STAM: variants seen among roughly 807,000 people sequenced by gnomAD.
The protein encoded by STAM is signal transducing adapter molecule 1.
A neutral mutation model predicts 63.4 loss-of-function variants in STAM; 16 were observed. That is an observed-to-expected ratio of 0.25 (90% confidence interval 0.17 to 0.38). STAM has a LOEUF of 0.38. STAM is among the 10% of genes least tolerant of loss of function. The probability of loss-of-function intolerance (pLI) is 1.00; values close to 1 mark genes in which losing one functional copy is unlikely to be tolerated. For synonymous variants in STAM, 238 were observed against 223.9 expected, an observed-to-expected ratio of 1.06 and a Z score of -0.56; for missense variants, 636 against 657.1, an observed-to-expected ratio of 0.97 and a Z score of 0.35.
At chr10:17,696,365 GA>G (rs1194521806) in intron 7 of STAM, among the ~76,000 whole-genome samples, 1 of 146,892 alleles carries the variant, frequency 6.8e-6, no homozygotes. Context: ...TCTGTTGGGA[GA>G]AAAAAAAAAC....
chr10:17,675,305 A>C (rs1024469630), intron 2 of STAM, among the ~76,000 whole-genome samples: 2 of 152,106 alleles, frequency 1.3e-5, no homozygotes, highest in Non-Finnish European at 2.9e-5. Flanking sequence ...GGAGTTTGAG[A>C]CCAGCCTGGC....
At chr10:17,706,536 G>A (rs1455468286) in intron 12 of STAM, among the ~76,000 whole-genome samples, 5 of 151,748 alleles carry the variant, frequency 3.3e-5, no homozygotes, top group African/African-American at 9.7e-5. Flanking sequence ...CCGTCACCAC[G>A]CCAGGCTAAT....
intron 7 of STAM, 69 bp downstream of exon 7, chr10:17,695,310 G>A: frequency 7.3e-7 from 1 of 1,370,788 alleles, no homozygotes; most frequent in Non-Finnish European, 1.0e-6. Flanking sequence ...TATTATTCCT[G>A]TTGATTGCAG....
chr10:17,648,273 C>T (rs188987872), intron 1 of STAM, among the ~76,000 whole-genome samples: 58 of 152,262 alleles, frequency 3.8e-4, no homozygotes, highest in African/African-American at 1.3e-3. Context: ...CCAATCAGTG[C>T]TCTGTAGCTA....
intron 2 of STAM, 152 bp from the exon 3 acceptor site, chr10:17,684,523 T>A: frequency 1.9e-6 from 1 of 524,044 alleles, no homozygotes; most frequent in Non-Finnish European, 3.2e-6. Context: ...GGAACTAGTT[T>A]ACAGTTTTTC....
At chr10:17,666,443 G>A (rs9787477) in intron 2 of STAM, among the ~76,000 whole-genome samples, 19,331 of 134,624 alleles carry the variant, frequency 0.14, 1,486 homozygotes, top group East Asian at 0.27. Flanking sequence ...TGCTCAGGCT[G>A]GAGTGCAGTG....
At chr10:17,674,791 A>G (rs545477655) in intron 2 of STAM, among the ~76,000 whole-genome samples, 248 of 152,334 alleles carry the variant, frequency 1.6e-3, no homozygotes, top group African/African-American at 5.6e-3. Context: ...TTTGGAATAC[A>G]TAATTTGCCT....
At chr10:17,688,289 G>A (rs1012753240) in intron 5 of STAM, 116 bp downstream of exon 5, 9 of 1,056,994 alleles carry the variant, frequency 8.5e-6, no homozygotes, top group Middle Eastern at 5.2e-4. Context: ...AGGAATTTTC[G>A]TTAGCTAATT....
rs1833435768 is a variant in STAM, at chr10:17,644,376, G to A, written c.37G>A (p.Val13Ile). Residue 13 changes from valine to isoleucine, a missense_variant, in exon 1 of 14, where the codon GTT becomes ATT. Val to Ile is a conservative substitution (Grantham distance 29). Transcript: ENST00000377524. ...LFATNPFDQDVEKATSEMNTA... is the reference protein window; with the variant it reads ...LFATNPFDQDIEKATSEMNTA... ...TGCCACCAATCCCTTCGATCAGGAT[G>A]TTGGTAAGTGTTTTTGCCTCTCCCT... The A allele has an allele frequency of 1.2e-6, 2 of 1,614,166 alleles. No individual in the cohort carries two copies. The highest frequency in any genetic ancestry group is 1.3e-5 in the African/African-American group (1 of 75,054).
At chr10:17,705,870 C>G in intron 12 of STAM, 129 bp downstream of exon 12, 1 of 776,286 alleles carries the variant, frequency 1.3e-6, no homozygotes, top group South Asian at 2.2e-5. Flanking sequence ...GAGTTTAAGA[C>G]CAGCCTGGGT....
chr10:17,688,261 TA>T, intron 5 of STAM, 88 bp downstream of exon 5: 4 of 1,288,250 alleles, frequency 3.1e-6, no homozygotes, highest in Non-Finnish European at 4.1e-6. Flanking sequence ...CATTCCCAGG[TA>T]ATTTTTACTA....
chr10:17,675,433 A>G (rs1403963065), intron 2 of STAM, among the ~76,000 whole-genome samples: 2 of 150,920 alleles, frequency 1.3e-5, no homozygotes, highest in African/African-American at 4.9e-5. Flanking sequence ...GAACCCGGGA[A>G]GTGGAGGTTG....
Position 17,653,337 on chromosome 10 carries a change from T to G in STAM, c.41-7127T>G, listed in dbSNP as rs149901146. ...GTGAAAATGCTTTGTGATGTGTGGA[T>G]TCATCTCACAGAGTTAAATGTTTGT... is the stretch of plus-strand genomic sequence containing the variant. On this transcript the variant is annotated intron_variant, in intron 1 of 13. Transcript: ENST00000377524. 5.0e-3 allele frequency among the ~76,000 whole-genome samples: 757 copies of G among 152,374 alleles called. 3 individuals are homozygous for G. Among genetic ancestry groups the G allele is most frequent in the African/African-American group, 0.018 (730 of 41,602 alleles).
chr10:17,666,528 G>A (rs1312449149), intron 2 of STAM, among the ~76,000 whole-genome samples: 3 of 151,654 alleles, frequency 2.0e-5, no homozygotes, highest in African/African-American at 7.3e-5. Context: ...CTGAGTAGCT[G>A]GGACTACAGG....
rs980987720 is a variant in STAM at position 17,659,436 on chromosome 10, C to T, written c.41-1028C>T. 7.0e-4 allele frequency among the ~76,000 whole-genome samples: 98 copies of T among 140,964 alleles called. 1 individual carries two copies. The highest frequency in any genetic ancestry group is 1.2e-3 in the Non-Finnish European group (79 of 64,626). The allele number at this position is 140,964 out of a possible 152,430, so 92.5% of individuals were successfully genotyped here. A position where few individuals can be genotyped will look rare whatever the true frequency, so the allele number is the denominator to read the frequency against. The stretch of plus-strand genomic sequence containing the variant: ...AAATAAAAGTTATTATTTTTATCTT[C>T]GGGTATTCCATCTTTATTCTCTTCC... On this transcript the variant is annotated intron_variant, in intron 1 of 13. Transcript: ENST00000377524.
intron 9 of STAM, among the ~76,000 whole-genome samples, chr10:17,704,043 G>A (rs1554828856): frequency 6.6e-6 from 1 of 152,214 alleles, no homozygotes; most frequent in African/African-American, 2.4e-5. Flanking sequence ...AAGTTTAAAT[G>A]TGGCTTGATT....
intron 5 of STAM, 38 bp downstream of exon 5, chr10:17,688,211 G>T (rs1336887725): frequency 1.4e-6 from 2 of 1,420,106 alleles, no homozygotes; most frequent in Non-Finnish European, 1.9e-6. Flanking sequence ...GCTACAGTTT[G>T]TTTCTCTTAA....
intron 1 of STAM, among the ~76,000 whole-genome samples, chr10:17,658,748 A>G (rs1834044403): frequency 6.6e-6 from 1 of 152,210 alleles, no homozygotes; most frequent in East Asian, 1.9e-4. Flanking sequence ...CGGCCTCCCA[A>G]AGTGTTGGGA....
At chr10:17,664,914 A>AT (rs1834315557) in intron 2 of STAM, among the ~76,000 whole-genome samples, 1 of 152,176 alleles carries the variant, frequency 6.6e-6, no homozygotes, top group South Asian at 2.1e-4. Context: ...GTAATATTGT[A>AT]TTTTTTAAAT....
Sources: gnomAD v4.1 joint callset for allele counts (sites outside exome capture counted in the v4.1 genomes callset) on GRCh38, gnomAD v4.1.1 for gene constraint, MANE v1.5 for transcripts, NCBI Gene and HGNC (gene_info 2026-07-23, HGNC 2026-07-21) for gene names.